The following RAD18 variants were observed in gnomAD, a reference collection of about 807,000 sequenced individuals.
RAD18 encodes RAD18 E3 ubiquitin protein ligase.
Under a neutral mutation model 60.4 loss-of-function variants are expected in RAD18, and 47 were observed. That is an observed-to-expected ratio of 0.78 (90% CI 0.62 to 0.99). The LOEUF (loss-of-function observed/expected upper bound fraction) is 0.99, where lower values mean the gene tolerates loss of function less well. RAD18 is among the 50% of genes least tolerant of loss of function. The probability of loss-of-function intolerance (pLI) is 0.00; values close to 1 mark genes in which losing one functional copy is unlikely to be tolerated. For missense variants in RAD18, 640 were observed against 593.3 expected, an observed-to-expected ratio of 1.08 and a Z score of -0.82; for synonymous variants, 225 against 195.5, an observed-to-expected ratio of 1.15 and a Z score of -1.26.
At chr3:8,922,211 C>T (rs1575547669) in intron 7 of RAD18, among the ~76,000 whole-genome samples, 1 of 152,222 alleles carries the variant, frequency 6.6e-6, no homozygotes, top group East Asian at 1.9e-4. Flanking sequence ...TGACAGATGG[C>T]ACCTGGAAAA....
chr3:8,962,076 G>A (rs1271639235), intron 1 of RAD18, among the ~76,000 whole-genome samples: 1 of 152,180 alleles, frequency 6.6e-6, no homozygotes, highest in Non-Finnish European at 1.5e-5. Context: ...CACCCACTTG[G>A]TGTCAGGCAC....
intron 7 of RAD18, among the ~76,000 whole-genome samples, chr3:8,915,093 G>T (rs1389668491): frequency 7.0e-6 from 1 of 141,852 alleles, no homozygotes; most frequent in African/African-American, 2.6e-5. Flanking sequence ...AGCTTGCAGT[G>T]AACTGAGATG....
At chr3:8,954,902 G>GT (rs775768420) in intron 2 of RAD18, among the ~76,000 whole-genome samples, 1 of 152,056 alleles carries the variant, frequency 6.6e-6, no homozygotes, top group Non-Finnish European at 1.5e-5. Flanking sequence ...GACAACTGGT[G>GT]TTTAGTAGAA....
chr3:8,933,277 C>CA (rs955516971), intron 7 of RAD18, among the ~76,000 whole-genome samples: 1 of 151,490 alleles, frequency 6.6e-6, no homozygotes. Context: ...ATTATAGGGA[C>CA]AAAAAAAGAG....
intron 9 of RAD18, among the ~76,000 whole-genome samples, chr3:8,906,818 T>C (rs994718657): frequency 4.6e-5 from 7 of 151,350 alleles, no homozygotes; most frequent in African/African-American, 1.7e-4. Flanking sequence ...AATCAAAATA[T>C]GTTATTTATG....
chr3:8,881,840 T>G (rs1358339159), intron 12 of RAD18, among the ~76,000 whole-genome samples: 1 of 152,210 alleles, frequency 6.6e-6, no homozygotes, highest in Non-Finnish European at 1.5e-5. Flanking sequence ...TTAAAGGAAC[T>G]AAGAAAGTAA....
chr3:8,883,691 C>T (rs1326496037), intron 12 of RAD18, among the ~76,000 whole-genome samples: 1 of 152,154 alleles, frequency 6.6e-6, no homozygotes, highest in African/African-American at 2.4e-5. Flanking sequence ...CTTTCCTAAG[C>T]ATGCACGGAA....
intron 10 of RAD18, among the ~76,000 whole-genome samples, chr3:8,900,113 C>A (rs536912976): frequency 6.6e-6 from 1 of 152,270 alleles, no homozygotes; most frequent in South Asian, 2.1e-4. Context: ...ACTGAGAGAA[C>A]AGCATACTTC....
At chr3:8,960,929 A>G (rs1187828934) in intron 1 of RAD18, among the ~76,000 whole-genome samples, 1 of 152,226 alleles carries the variant, frequency 6.6e-6, no homozygotes, top group Non-Finnish European at 1.5e-5. Flanking sequence ...AAAACAGTAA[A>G]TTTTTGTTAA....
chr3:8,938,134 G>C (rs1940684893), intron 6 of RAD18, among the ~76,000 whole-genome samples: 2 of 152,038 alleles, frequency 1.3e-5, no homozygotes, highest in African/African-American at 4.8e-5. Flanking sequence ...TAATCCTTAG[G>C]ACTATTCATT....
chr3:8,906,907 G>C (rs577128364), intron 9 of RAD18, among the ~76,000 whole-genome samples: 1 of 151,400 alleles, frequency 6.6e-6, no homozygotes, highest in Admixed American at 6.6e-5. Context: ...GGGTTATTTC[G>C]AAATGGATTA....
chr3:8,913,781 T>C, intron 7 of RAD18, 61 bp from the exon 8 acceptor site: 1 of 1,081,904 alleles, frequency 9.2e-7, no homozygotes, highest in East Asian at 2.6e-5. Flanking sequence ...CACTGTACAA[T>C]AATTATTTAA....
At chr3:8,957,817 A>G (rs1941036911) in intron 2 of RAD18, among the ~76,000 whole-genome samples, 1 of 152,240 alleles carries the variant, frequency 6.6e-6, no homozygotes, top group Non-Finnish European at 1.5e-5. Context: ...AATGTTCAGT[A>G]TCTTAATTGC....
chr3:8,926,199 G>A (rs1267996343), intron 7 of RAD18, among the ~76,000 whole-genome samples: 18 of 152,158 alleles, frequency 1.2e-4, no homozygotes, highest in Non-Finnish European at 2.4e-4. Context: ...AAGCTGATAA[G>A]CAACTTCAGC....
intron 7 of RAD18, among the ~76,000 whole-genome samples, chr3:8,922,318 G>A (rs532589064): frequency 1.8e-4 from 28 of 152,288 alleles, no homozygotes; most frequent in African/African-American, 6.3e-4. Flanking sequence ...AGGGTCCTAC[G>A]CCCACAGAGC....
intron 7 of RAD18, among the ~76,000 whole-genome samples, chr3:8,913,959 A>G (rs527859149): frequency 7.6e-3 from 595 of 77,872 alleles, no homozygotes; most frequent in Middle Eastern, 0.022. Context: ...ACGTATAACC[A>G]CAAGAGTCAA....
chr3:8,895,968 A>G (rs74461580), intron 11 of RAD18, among the ~76,000 whole-genome samples: 119 of 152,336 alleles, frequency 7.8e-4, no homozygotes, highest in African/African-American at 2.8e-3. Flanking sequence ...GTCCTAAAAA[A>G]CAACCTGCAA....
chr3:8,950,593 T>G (rs973416740), intron 2 of RAD18, among the ~76,000 whole-genome samples: 8 of 152,144 alleles, frequency 5.3e-5, no homozygotes, highest in African/African-American at 1.7e-4. Context: ...AAAGGCCTAT[T>G]TACTGCAGTT....
chr3:8,890,511 T>G, intron 11 of RAD18, 60 bp from the exon 12 acceptor site: 1 of 1,278,168 alleles, frequency 7.8e-7, no homozygotes, highest in Admixed American at 1.9e-5. Flanking sequence ...GTCCCATTTA[T>G]ATAAAATTCT....
Sources: allele counts gnomAD v4.1 joint callset (sites outside exome capture counted in the v4.1 genomes callset), GRCh38; gene constraint gnomAD v4.1.1; transcripts MANE v1.5; gene names NCBI Gene and HGNC (gene_info 2026-07-23, HGNC 2026-07-21).